Variants in PRKG1 observed in about 807,000 individuals in gnomAD.
The protein encoded by PRKG1 is protein kinase cGMP-dependent 1.
PRKG1 carries 35 observed loss-of-function variants against 88.1 expected under a neutral mutation model. The observed-to-expected ratio is 0.40, with a 90% CI of 0.30 to 0.53. The LOEUF (loss-of-function observed/expected upper bound fraction) is 0.53. Among genes scored for constraint, PRKG1 ranks in the 20% least tolerant of loss-of-function variants. The pLI, the probability that PRKG1 is intolerant of heterozygous loss-of-function variation, is 0.59. For synonymous variants in PRKG1, 303 were observed against 292.5 expected, an observed-to-expected ratio of 1.04 and a Z score of -0.37; for missense variants, 540 against 839.8, an observed-to-expected ratio of 0.64 and a Z score of 4.41.
intron 3 of PRKG1, among the ~76,000 whole-genome samples, chr10:51,653,090 C>G (rs201218981): frequency 6.6e-6 from 1 of 152,270 alleles, no homozygotes; most frequent in African/African-American, 2.4e-5. Flanking sequence ...TGTATATATA[C>G]ATTTCTTTAT....
intron 8 of PRKG1, among the ~76,000 whole-genome samples, chr10:52,146,934 A>C (rs571898507): frequency 1.6e-4 from 24 of 152,354 alleles, no homozygotes; most frequent in African/African-American, 5.8e-4. Flanking sequence ...TTGAAACAAC[A>C]TGACTGGGGT....
intron 2 of PRKG1, among the ~76,000 whole-genome samples, chr10:51,159,838 C>G (rs1215412710): frequency 6.6e-6 from 1 of 152,126 alleles, no homozygotes; most frequent in Non-Finnish European, 1.5e-5. Context: ...GGGAAGCATT[C>G]TGCATAAATC....
chr10:52,085,604 T>C (rs992941259), intron 7 of PRKG1, among the ~76,000 whole-genome samples: 1 of 152,190 alleles, frequency 6.6e-6, no homozygotes, highest in Non-Finnish European at 1.5e-5. Context: ...TTATATTTTC[T>C]GTCTCAACTT....
Position 51,164,869 on chromosome 10 carries a change from A to G in PRKG1, c.478+11539A>G, listed in dbSNP as rs976275802. 3.4e-3 allele frequency among the ~76,000 whole-genome samples: 511 copies of G among 152,180 alleles called. 2 individuals carry two copies. The highest frequency in any genetic ancestry group is 0.012 in the African/African-American group (490 of 41,500). On this transcript the variant is annotated intron_variant, in intron 2 of 17. Coordinates refer to ENST00000373980, the MANE Select transcript of PRKG1 (RefSeq NM_006258.4). ...GAGAAAAAAGAATAAAAAGAAACGAACAAAGCCTCCAAGAAATATGGGACT... is the reference window on the plus strand; with the variant it reads ...GAGAAAAAAGAATAAAAAGAAACGAGCAAAGCCTCCAAGAAATATGGGACT...
At chr10:51,743,692 AT>A (rs1589251277) in intron 3 of PRKG1, among the ~76,000 whole-genome samples, 3 of 122,664 alleles carry the variant, frequency 2.4e-5, no homozygotes, top group East Asian at 4.2e-4. Context: ...ATAATTTATT[AT>A]ATATATAATA....
chr10:51,045,017 G>A (rs951389931), intron 1 of PRKG1, among the ~76,000 whole-genome samples: 26 of 152,144 alleles, frequency 1.7e-4, no homozygotes, highest in African/African-American at 5.1e-4. Context: ...GTAGCTGTTT[G>A]TGTGGCAAGG....
At chr10:51,281,474 A>C (rs1589310852) in intron 2 of PRKG1, among the ~76,000 whole-genome samples, 1 of 152,182 alleles carries the variant, frequency 6.6e-6, no homozygotes. Flanking sequence ...TTGCTAGCAC[A>C]GCAGTCTGAG....
At chr10:51,227,830 G>A (rs557376417) in intron 2 of PRKG1, among the ~76,000 whole-genome samples, 6 of 152,310 alleles carry the variant, frequency 3.9e-5, no homozygotes, top group Admixed American at 3.3e-4. Flanking sequence ...GCAAGAAAGA[G>A]TGGCACAAAA....
intron 2 of PRKG1, among the ~76,000 whole-genome samples, chr10:51,295,463 TG>T (rs1840695143): frequency 6.6e-6 from 1 of 152,180 alleles, no homozygotes; most frequent in Admixed American, 6.5e-5. Context: ...TGACTTATTT[TG>T]TATACTAATT....
intron 2 of PRKG1, among the ~76,000 whole-genome samples, chr10:51,162,773 C>T (rs1393223913): frequency 6.6e-6 from 1 of 152,136 alleles, no homozygotes; most frequent in Non-Finnish European, 1.5e-5. Context: ...TGCTGGAATT[C>T]AGTGGCTGGA....
rs773345642 is a variant in PRKG1, at chr10:52,085,077, T to C, written c.935+22446T>C. On this transcript the variant is annotated intron_variant, in intron 7 of 17. Coordinates refer to ENST00000373980, the MANE Select transcript of PRKG1 (RefSeq NM_006258.4). ...ATTCTTCCCAGGGTATCAAACACAT[T>C]AGGAACCACACGACTGTCTCTCACT... Among the ~76,000 whole-genome samples the C allele has an allele frequency of 9.9e-4, 150 of 152,190 alleles. 1 individual carries two copies. In the Middle Eastern group the frequency reaches 0.014, roughly 14 times the overall value.
chr10:51,050,019 T>C (rs569550557), intron 1 of PRKG1, among the ~76,000 whole-genome samples: 34 of 152,194 alleles, frequency 2.2e-4, no homozygotes, highest in African/African-American at 7.9e-4. Flanking sequence ...TTCAGGTCAA[T>C]GGAAATTGTC....
chr10:52,072,702 G>A lies in PRKG1; in HGVS notation c.935+10071G>A, dbSNP rs539852381. Among the ~76,000 whole-genome samples, 8 of 151,924 alleles carry A rather than the reference G, an allele frequency of 5.3e-5. No individual in the cohort carries two copies. In the South Asian group the frequency reaches 8.3e-4, roughly 16 times the overall value. Reference sequence around the variant, plus strand: ...TCCTAAAATTTCCTCTCATAATAACGAATCCTGTTTGTTCTACCTCTTAAA... The same window carrying A: ...TCCTAAAATTTCCTCTCATAATAACAAATCCTGTTTGTTCTACCTCTTAAA... On this transcript the variant is annotated intron_variant, in intron 7 of 17. Transcript: ENST00000373980.
intron 1 of PRKG1, among the ~76,000 whole-genome samples, chr10:50,998,469 T>C (rs1393723366): frequency 6.6e-6 from 1 of 152,222 alleles, no homozygotes; most frequent in Non-Finnish European, 1.5e-5. Flanking sequence ...TGGTTTAGGC[T>C]GGGCACAGTG....
chr10:51,229,942 A>AAAAAAAG (rs1564647203), intron 2 of PRKG1, among the ~76,000 whole-genome samples: 1 of 44,132 alleles, frequency 2.3e-5, no homozygotes, highest in Admixed American at 2.4e-4. Flanking sequence ...AAAAAAAAAA[A>AAAAAAAG]AAAAAAGAAA....
At chr10:51,577,093 G>A (rs941631353) in intron 3 of PRKG1, among the ~76,000 whole-genome samples, 4 of 151,924 alleles carry the variant, frequency 2.6e-5, no homozygotes, top group Admixed American at 2.0e-4. Context: ...GGATTAAAAT[G>A]TTATAGTACA....
At chr10:52,186,890 A>C (rs1839214789) in intron 9 of PRKG1, among the ~76,000 whole-genome samples, 1 of 152,328 alleles carries the variant, frequency 6.6e-6, no homozygotes, top group African/African-American at 2.4e-5. Flanking sequence ...TTTATGTCTA[A>C]AAGAAAATTT....
intron 3 of PRKG1, among the ~76,000 whole-genome samples, chr10:51,505,164 G>C (rs1425011989): frequency 1.3e-5 from 2 of 152,202 alleles, no homozygotes; most frequent in Non-Finnish European, 1.5e-5. Context: ...CTAATTTATT[G>C]AGAGTTTTTA....
chr10:51,078,199 T>C, intron 1 of PRKG1, among the ~76,000 whole-genome samples: 1 of 151,432 alleles, frequency 6.6e-6, no homozygotes, highest in Non-Finnish European at 1.5e-5. Flanking sequence ...CTCCATGTTC[T>C]ATTTTGTTTC....
Sources: gnomAD v4.1 joint callset for allele counts (sites outside exome capture counted in the v4.1 genomes callset) on GRCh38, gnomAD v4.1.1 for gene constraint, MANE v1.5 for transcripts, NCBI Gene and HGNC (gene_info 2026-07-23, HGNC 2026-07-21) for gene names.